The following CCDC7 variants were observed in gnomAD, a reference collection of about 807,000 sequenced individuals.
CCDC7 encodes coiled-coil domain-containing protein 7.
In CCDC7, 183 loss-of-function variants were observed where a neutral mutation model predicts 196.9. That is an observed-to-expected ratio of 0.93 (90% CI 0.82 to 1.05). The LOEUF (loss-of-function observed/expected upper bound fraction) is 1.05. Among genes scored for constraint, CCDC7 ranks in the 50% least tolerant of loss-of-function variants. The pLI is 0.00. For synonymous variants in CCDC7, 525 were observed against 484.6 expected (o/e 1.08, Z -1.10); for missense variants, 1,540 against 1,482.2 (o/e 1.04, Z -0.64).
chr10:32,737,429 T>C (rs1360028287), intron 28 of CCDC7, among the ~76,000 whole-genome samples: 1 of 152,198 alleles, frequency 6.6e-6, no homozygotes, highest in African/African-American at 2.4e-5. Context: ...TGTTAAGGTT[T>C]GTCTTATAGC....
chr10:32,844,986 T>C (rs1474904717), intron 33 of CCDC7, among the ~76,000 whole-genome samples: 1 of 151,780 alleles, frequency 6.6e-6, no homozygotes, highest in Non-Finnish European at 1.5e-5. Flanking sequence ...GGAAGAGGTA[T>C]AATAAAGGGG....
In CCDC7 at chr10:32,495,278, T is replaced by C. The variant is rs961308930; in HGVS notation, c.872+3281T>C. On this transcript the variant is annotated intron_variant, in intron 9 of 41. Transcript: ENST00000639629. ...TAAATTTGTTTAAATTCTTTGTAGA[T>C]TCTGGATATTAGCCCTTTGTAAGAT... Among the ~76,000 whole-genome samples, 6 of 152,228 alleles carry C rather than the reference T, an allele frequency of 3.9e-5. No individual in the cohort carries two copies. The East Asian group carries it at 1.2e-3, about 29-fold the overall frequency.
chr10:32,447,195 C>G (rs945591396), upstream of CCDC7, among the ~76,000 whole-genome samples: 1 of 152,116 alleles, frequency 6.6e-6, no homozygotes, highest in Non-Finnish European at 1.5e-5. Flanking sequence ...CTCGATCATT[C>G]TACTGAAATT....
chr10:32,710,377 C>T (rs756110189), intron 24 of CCDC7, among the ~76,000 whole-genome samples: 3 of 152,164 alleles, frequency 2.0e-5, no homozygotes, highest in Non-Finnish European at 2.9e-5. Context: ...CAAATCAGCT[C>T]GCAGGTTCTC....
At chr10:32,844,697 T>A (rs2093177523) in intron 33 of CCDC7, among the ~76,000 whole-genome samples, 1 of 151,872 alleles carries the variant, frequency 6.6e-6, no homozygotes, top group Non-Finnish European at 1.5e-5. Context: ...TGTCAGTTTG[T>A]ACATCAATTT....
At chr10:32,626,530 A>G (rs894505632) in intron 18 of CCDC7, among the ~76,000 whole-genome samples, 1 of 151,924 alleles carries the variant, frequency 6.6e-6, no homozygotes, top group Non-Finnish European at 1.5e-5. Context: ...CAAATTATTA[A>G]TAATTTCCTT....
intron 32 of CCDC7, among the ~76,000 whole-genome samples, chr10:32,830,745 T>C (rs1459061304): frequency 1.3e-5 from 2 of 152,120 alleles, no homozygotes; most frequent in Admixed American, 1.3e-4. Context: ...AGAAATAATC[T>C]GTAAATTTAA....
At chr10:32,564,671 G>A (rs1293173163) in intron 13 of CCDC7, among the ~76,000 whole-genome samples, 1 of 151,988 alleles carries the variant, frequency 6.6e-6, no homozygotes, top group Non-Finnish European at 1.5e-5. Flanking sequence ...GGACGGGGGA[G>A]GGATAACATT....
At chr10:32,694,735 C>T (rs2077491085) in intron 23 of CCDC7, 144 bp from the exon 25 acceptor site, 1 of 490,944 alleles carries the variant, frequency 2.0e-6, no homozygotes, top group Non-Finnish European at 3.7e-6. Context: ...TTATAGTAGT[C>T]ATGTCACATC....
chr10:32,702,694 C>G (rs753224547), intron 24 of CCDC7, among the ~76,000 whole-genome samples: 65 of 152,128 alleles, frequency 4.3e-4, no homozygotes, highest in Non-Finnish European at 4.6e-4. Context: ...CTTTATGAAT[C>G]TGGGTGCTCC....
At chr10:32,668,511 A>C (rs1262788114) in intron 21 of CCDC7, among the ~76,000 whole-genome samples, 1 of 152,172 alleles carries the variant, frequency 6.6e-6, no homozygotes, top group Non-Finnish European at 1.5e-5. Context: ...TGGATTTGTC[A>C]TAGATAGCTC....
In CCDC7 at chr10:32,834,848, GA is replaced by G; in HGVS notation, c.3306del (p.Asp1103IlefsTer2). On this transcript the variant is annotated frameshift_variant, in exon 33 of 42. Transcript: ENST00000639629. LOFTEE classifies it high-confidence loss of function. ...TTAAAACACTTGAAAGGTGTTAATG[GA>G]AAAGATATAATAAAGCATCTAATCA... The G allele has an allele frequency of 1.4e-6, 2 of 1,470,738 alleles. No individual in the cohort carries two copies. The highest frequency in any genetic ancestry group is 1.9e-6 in the Non-Finnish European group (2 of 1,056,784). 91.1% of individuals were successfully genotyped at this position (1,470,738 alleles called of 1,614,324 possible). A position where few individuals can be genotyped will look rare whatever the true frequency, so the allele number is the denominator to read the frequency against.
chr10:32,791,475 A>C (rs2082691964), intron 29 of CCDC7, among the ~76,000 whole-genome samples: 1 of 152,136 alleles, frequency 6.6e-6, no homozygotes, highest in Non-Finnish European at 1.5e-5. Flanking sequence ...GTTCACTGAG[A>C]TCAAGAAAAT....
Position 32,694,863 on chromosome 10 carries a change from G to A in CCDC7, c.2345-16G>A, listed in dbSNP as rs2077510828. The A allele has an allele frequency of 2.0e-6, 3 of 1,469,652 alleles. No individual in the cohort carries two copies. The highest frequency in any genetic ancestry group is 1.4e-5 in the South Asian group (1 of 73,814). The allele number at this position is 1,469,652 out of a possible 1,614,324, so 91.0% of individuals were successfully genotyped here. A position where few individuals can be genotyped will look rare whatever the true frequency, so the allele number is the denominator to read the frequency against. On this transcript the variant is annotated splice_polypyrimidine_tract_variant and intron_variant, in intron 23 of 41. Coordinates refer to ENST00000639629, the Ensembl canonical transcript of CCDC7. ...CTGTTTTTCCATTAAGAGACTAAAT[G>A]CATCTCCTTATGTAGCTCATGATGA...
At chr10:32,810,258 T>A (rs925401872) in intron 30 of CCDC7, among the ~76,000 whole-genome samples, 1 of 152,124 alleles carries the variant, frequency 6.6e-6, no homozygotes, top group Admixed American at 6.5e-5. Flanking sequence ...GCAAACTGTA[T>A]ACTGCCTATA....
chr10:32,486,358 TCCTC>T (rs1451886506), intron 8 of CCDC7, among the ~76,000 whole-genome samples: 1 of 151,684 alleles, frequency 6.6e-6, no homozygotes, highest in African/African-American at 2.4e-5. Context: ...TGGTAGATCT[TCCTC>T]CATCCCTTTA....
chr10:32,853,319 G>A (rs1299431853), intron 40 of CCDC7, among the ~76,000 whole-genome samples: 1 of 151,976 alleles, frequency 6.6e-6, no homozygotes. Context: ...AATAATAATG[G>A]TCTTCTCTTA....
chr10:32,489,851 AAAGAT>A (rs533417969), intron 8 of CCDC7, among the ~76,000 whole-genome samples: 132 of 151,868 alleles, frequency 8.7e-4, no homozygotes, highest in African/African-American at 3.0e-3. Context: ...GTACATATGG[AAAGAT>A]TGTGACTCTG....
At chr10:32,627,232 CAGGTCTTTTAT>C (rs916100560) in intron 18 of CCDC7, among the ~76,000 whole-genome samples, 1 of 151,802 alleles carries the variant, frequency 6.6e-6, no homozygotes, top group Non-Finnish European at 1.5e-5. Flanking sequence ...TTTTAGTGTA[CAGGTCTTTTAT>C]CTCTTTGGTC....
Sources: gnomAD v4.1 joint callset for allele counts (sites outside exome capture counted in the v4.1 genomes callset) on GRCh38, gnomAD v4.1.1 for gene constraint, MANE v1.5 for transcripts, NCBI Gene and HGNC (gene_info 2026-07-23, HGNC 2026-07-21) for gene names.